Variants in FBXL7 observed in about 807,000 individuals in gnomAD.
FBXL7 encodes F-box and leucine rich repeat protein 7, also known as F-box/LRR-repeat protein 7.
In FBXL7, 12 loss-of-function variants were observed where a neutral mutation model predicts 38.3. The ratio of observed to expected loss-of-function variants is 0.31; its 90% CI spans 0.20 to 0.51. The LOEUF is 0.51. Ranked by LOEUF, FBXL7 falls within the 20% of genes least tolerant of loss-of-function variation. The probability of loss-of-function intolerance (pLI) is 0.98; values close to 1 mark genes in which losing one functional copy is unlikely to be tolerated. For missense variants in FBXL7, 567 were observed against 676.4 expected, an observed-to-expected ratio of 0.84 and a Z score of 1.79; for synonymous variants, 297 against 300.9, an observed-to-expected ratio of 0.99 and a Z score of 0.13.
At chr5:15,927,830 G>C in intron 2 of FBXL7, 60 bp from the exon 3 acceptor site, 1 of 1,313,014 alleles carries the variant, frequency 7.6e-7, no homozygotes, top group Non-Finnish European at 9.9e-7. Context: ...TGCTTTTGCT[G>C]CCTCCCTGGG....
chr5:15,918,606 G>A (rs756832993), intron 2 of FBXL7, among the ~76,000 whole-genome samples: 10 of 152,212 alleles, frequency 6.6e-5, no homozygotes, highest in Non-Finnish European at 1.5e-4. Flanking sequence ...CAAAAACTGG[G>A]CAACACTGGA....
At chr5:15,616,663 C>G (rs528222877) in intron 2 of FBXL7, among the ~76,000 whole-genome samples, 1 of 152,274 alleles carries the variant, frequency 6.6e-6, no homozygotes, top group Admixed American at 6.5e-5. Context: ...AATTCCACTG[C>G]TTTTCAATAT....
chr5:15,726,691 A>AAAATAAAT (rs55752648), intron 2 of FBXL7, among the ~76,000 whole-genome samples: 71,177 of 141,096 alleles, frequency 0.5, 18,680 homozygotes, highest in East Asian at 0.7. Flanking sequence ...ACTCCATCTC[A>AAAATAAAT]AAATAAATAA....
intron 1 of FBXL7, among the ~76,000 whole-genome samples, chr5:15,577,594 TTGTGTGTGTGTG>T (rs34405217): frequency 0.085 from 12,494 of 147,632 alleles, 585 homozygotes; most frequent in South Asian, 0.17. Context: ...GTAATGCATT[TTGTGTGTGTGTG>T]TGTGTGTGTG....
chr5:15,631,357 C>T (rs1343734190), intron 2 of FBXL7, among the ~76,000 whole-genome samples: 2 of 152,128 alleles, frequency 1.3e-5, no homozygotes, highest in Non-Finnish European at 2.9e-5. Flanking sequence ...ATGAGAGCAG[C>T]ATTTCCTTGG....
At chr5:15,879,799 C>A (rs1221009146) in intron 2 of FBXL7, among the ~76,000 whole-genome samples, 1 of 152,120 alleles carries the variant, frequency 6.6e-6, no homozygotes, top group East Asian at 1.9e-4. Flanking sequence ...GATGATAATA[C>A]AGAGATCAAT....
At chr5:15,730,753 T>A (rs931566924) in intron 2 of FBXL7, among the ~76,000 whole-genome samples, 1 of 152,226 alleles carries the variant, frequency 6.6e-6, no homozygotes, top group African/African-American at 2.4e-5. Flanking sequence ...CAATTAGATA[T>A]ATGATACAAA....
At chr5:15,543,866 T>C (rs1285398301) in intron 1 of FBXL7, among the ~76,000 whole-genome samples, 1 of 152,208 alleles carries the variant, frequency 6.6e-6, no homozygotes, top group Non-Finnish European at 1.5e-5. Flanking sequence ...AATGTCCTGT[T>C]CTGCCAAATT....
chr5:15,640,645 T>C (rs773070812), intron 2 of FBXL7, among the ~76,000 whole-genome samples: 4 of 151,838 alleles, frequency 2.6e-5, no homozygotes, highest in East Asian at 3.9e-4. Context: ...TGCCTCAGCC[T>C]CCAGAGTAGC....
rs1033150272 is a variant in FBXL7, at chr5:15,503,850, G to A, written c.37+3137G>A. On this transcript the variant is annotated intron_variant, in intron 1 of 3. Transcript: ENST00000504595. ...TGACAGTTGACATCGCTGTGCAAAT[G>A]TTTGTTGAATATTACAAATATTGTT... Among the ~76,000 whole-genome samples, 4 of 152,340 alleles carry A rather than the reference G, an allele frequency of 2.6e-5. No individual in the cohort carries two copies. In the East Asian group the frequency reaches 7.7e-4, roughly 29 times the overall value.
At chr5:15,522,582 C>T (rs1047823042) in intron 1 of FBXL7, among the ~76,000 whole-genome samples, 2 of 152,130 alleles carry the variant, frequency 1.3e-5, no homozygotes, top group African/African-American at 2.4e-5. Flanking sequence ...TTTTACTGCC[C>T]CAGGTCTCTG....
At chr5:15,578,525 A>G (rs899898519) in intron 1 of FBXL7, among the ~76,000 whole-genome samples, 35 of 152,176 alleles carry the variant, frequency 2.3e-4, no homozygotes, top group African/African-American at 8.4e-4. Context: ...ACACTAACCC[A>G]TAGATATGGC....
chr5:15,764,791 C>T (rs1736543363), intron 2 of FBXL7, among the ~76,000 whole-genome samples: 2 of 152,358 alleles, frequency 1.3e-5, no homozygotes, highest in Middle Eastern at 3.4e-3. Context: ...TAGCAGAATG[C>T]TGGGCATATT....
At chr5:15,648,782 C>G (rs1377084617) in intron 2 of FBXL7, among the ~76,000 whole-genome samples, 4 of 152,174 alleles carry the variant, frequency 2.6e-5, no homozygotes, top group African/African-American at 9.7e-5. Flanking sequence ...TGAACTCCAG[C>G]TGAAATGATC....
chr5:15,898,795 C>T (rs1490994172), intron 2 of FBXL7, among the ~76,000 whole-genome samples: 3 of 152,182 alleles, frequency 2.0e-5, no homozygotes, highest in Admixed American at 6.5e-5. Context: ...ATACCACATG[C>T]GTTTGCAGCG....
chr5:15,612,165 A>G (rs1461706406), intron 1 of FBXL7, among the ~76,000 whole-genome samples: 1 of 152,164 alleles, frequency 6.6e-6, no homozygotes, highest in African/African-American at 2.4e-5. Flanking sequence ...CATACATAGT[A>G]CATAAGAGAT....
chr5:15,519,118 C>T lies in FBXL7; in HGVS notation c.37+18405C>T, dbSNP rs556952645. Among the ~76,000 whole-genome samples, 512 of 151,912 alleles carry T rather than the reference C, an allele frequency of 3.4e-3. 4 individuals are homozygous for T. The highest frequency in any genetic ancestry group is 0.012 in the African/African-American group (492 of 41,442). On this transcript the variant is annotated intron_variant, in intron 1 of 3. Transcript: ENST00000504595. ...TGGCACTTTGGGAGGCTGAGGCGGG[C>T]GGATCACCTGAGGTCAGGAGTTCAA...
chr5:15,830,052 C>G (rs532724066), intron 2 of FBXL7, among the ~76,000 whole-genome samples: 1 of 152,270 alleles, frequency 6.6e-6, no homozygotes, highest in East Asian at 1.9e-4. Flanking sequence ...AGATCTCCCC[C>G]TGTTTCAAAC....
chr5:15,648,604 A>G (rs750953814), intron 2 of FBXL7, among the ~76,000 whole-genome samples: 2 of 152,360 alleles, frequency 1.3e-5, no homozygotes, highest in South Asian at 2.1e-4. Flanking sequence ...GATGGCTTCA[A>G]CCTGGCCAAT....
Sources: allele counts gnomAD v4.1 joint callset (sites outside exome capture counted in the v4.1 genomes callset), GRCh38; gene constraint gnomAD v4.1.1; transcripts MANE v1.5; gene names NCBI Gene and HGNC (gene_info 2026-07-23, HGNC 2026-07-21).